Variants in EFHD1 observed in about 807,000 individuals in gnomAD.
The protein encoded by EFHD1 is EF-hand domain family member D1, also known as EF-hand domain-containing protein D1.
A neutral mutation model predicts 17.2 loss-of-function variants in EFHD1; 10 were observed. The observed-to-expected ratio is 0.58, with a 90% confidence interval of 0.36 to 0.99. EFHD1 has a LOEUF of 0.99. Among genes scored for constraint, EFHD1 ranks in the 50% least tolerant of loss-of-function variants. EFHD1 has a pLI of 0.01. For missense variants in EFHD1, 310 were observed against 327.5 expected (o/e 0.95, Z 0.41); for synonymous variants, 153 against 142.0 (o/e 1.08, Z -0.55).
At chr2:232,634,032 C>A in intron 1 of EFHD1, 26 bp downstream of exon 1, 3 of 1,595,294 alleles carry the variant, frequency 1.9e-6, no homozygotes, top group Non-Finnish European at 2.5e-6. Context: ...GCGCCCTTCG[C>A]CCCCGGGACC....
Position 232,626,921 on chromosome 2 carries a change from C to T in EFHD1, c.14+20748C>T, listed in dbSNP as rs532686029. Among the ~76,000 whole-genome samples, 252 of 151,834 alleles carry T rather than the reference C, an allele frequency of 1.7e-3. 1 individual carries two copies. The highest frequency in any genetic ancestry group is 5.9e-3 in the African/African-American group (246 of 41,446). The stretch of plus-strand genomic sequence containing the variant: ...GAATTTTGGGCCGAGCATGATGGCT[C>T]TTGCCTGTAATCCCAGCACTTTGGG... On this transcript the variant is annotated intron_variant, in intron 1 of 3. Transcript: ENST00000409613.
rs79552683 is a variant in EFHD1, at chr2:232,612,539, A to G, written c.14+6366A>G. 3.2e-3 allele frequency among the ~76,000 whole-genome samples: 484 copies of G among 152,260 alleles called. 3 individuals are homozygous for G. The highest frequency in any genetic ancestry group is 0.011 in the African/African-American group (474 of 41,562). ...TGAAAAACGGACCCCATCATCAGAC[A>G]TAAGGGAAATGCTCCTTGAAACCAC... On this transcript the variant is annotated intron_variant, in intron 1 of 3. Transcript: ENST00000409613.
intron 1 of EFHD1, among the ~76,000 whole-genome samples, chr2:232,608,260 C>T (rs538398642): frequency 7.4e-4 from 112 of 152,160 alleles, no homozygotes; most frequent in African/African-American, 2.4e-3. Context: ...ATCCCAGCTA[C>T]TTAGGAGGCT....
At chr2:232,662,152 T>G (rs1694880709) in intron 1 of EFHD1, among the ~76,000 whole-genome samples, 1 of 151,650 alleles carries the variant, frequency 6.6e-6, no homozygotes, top group Admixed American at 6.6e-5. Flanking sequence ...GTTTCCTGGC[T>G]GGGGGCTGGG....
intron 2 of EFHD1, among the ~76,000 whole-genome samples, chr2:232,670,721 T>C (rs867466419): frequency 6.6e-6 from 1 of 151,778 alleles, no homozygotes; most frequent in Middle Eastern, 3.4e-3. Flanking sequence ...TTATATAACC[T>C]TGGTGCTGAG....
intron 1 of EFHD1, among the ~76,000 whole-genome samples, chr2:232,658,100 A>G (rs1266227509): frequency 6.6e-6 from 1 of 151,440 alleles, no homozygotes; most frequent in African/African-American, 2.4e-5. Flanking sequence ...ACGGGGTTTC[A>G]CCATGTTGGT....
intron 1 of EFHD1, among the ~76,000 whole-genome samples, chr2:232,644,817 T>C (rs1376583998): frequency 6.8e-6 from 1 of 146,894 alleles, no homozygotes; most frequent in East Asian, 2.0e-4. Flanking sequence ...TTTTTTTTAA[T>C]TTTTAGTGGA....
rs1364499590 is a variant in EFHD1 at position 232,662,802 on chromosome 2, G to A, written c.303G>A (p.Leu101=). ...LIKDLESMFK[L]YDAGRDGFID... ...GTCATGCATTCCTTTGACCCTGCAG[G>A]TATGACGCTGGGCGGGATGGCTTCA... The change falls in exon 2 of 4, where the codon CTG becomes CTA. Residue 101 remains leucine, a splice_region_variant and synonymous_variant. Coordinates refer to ENST00000264059, the MANE Select transcript of EFHD1 (RefSeq NM_025202.4). The A allele has an allele frequency of 1.3e-6, 2 of 1,572,102 alleles. No individual in the cohort carries two copies. The highest frequency in any genetic ancestry group is 1.2e-5 in the South Asian group (1 of 84,566).
At chr2:232,669,814 T>C (rs986325879) in intron 2 of EFHD1, among the ~76,000 whole-genome samples, 1 of 152,104 alleles carries the variant, frequency 6.6e-6, no homozygotes, top group African/African-American at 2.4e-5. Context: ...TTGGTCAGGC[T>C]GGTCTCGAAC....
chr2:232,654,202 A>T (rs1268422144), intron 1 of EFHD1, among the ~76,000 whole-genome samples: 2 of 144,478 alleles, frequency 1.4e-5, no homozygotes, highest in South Asian at 4.3e-4. Context: ...GCGAGACTCC[A>T]TCTCAAAAAA....
intron 1 of EFHD1, chr2:232,606,479 A>G (rs904000334): frequency 1.9e-6 from 1 of 517,664 alleles, no homozygotes; most frequent in African/African-American, 1.9e-5. Flanking sequence ...TCAGTGAATG[A>G]GGAAGGTTTC....
At chr2:232,620,083 T>TG (rs2106185970) in intron 1 of EFHD1, among the ~76,000 whole-genome samples, 1 of 151,998 alleles carries the variant, frequency 6.6e-6, no homozygotes, top group East Asian at 1.9e-4. Context: ...TGTCATTTTT[T>TG]TTTTTTTTAA....
chr2:232,660,148 T>A (rs1694831666), intron 1 of EFHD1, among the ~76,000 whole-genome samples: 1 of 152,110 alleles, frequency 6.6e-6, no homozygotes, highest in African/African-American at 2.4e-5. Flanking sequence ...TTACTTATTT[T>A]AATTTTTAAA....
At chr2:232,607,891 C>G (rs187223561) in intron 1 of EFHD1, among the ~76,000 whole-genome samples, 1 of 150,476 alleles carries the variant, frequency 6.6e-6, no homozygotes, top group Non-Finnish European at 1.5e-5. Flanking sequence ...TCCAGGAGTT[C>G]TAGACCAGCC....
At chr2:232,678,001 G>T (rs1695208613) in intron 3 of EFHD1, among the ~76,000 whole-genome samples, 1 of 151,930 alleles carries the variant, frequency 6.6e-6, no homozygotes, top group African/African-American at 2.4e-5. Flanking sequence ...AAACTTCAGG[G>T]GCCAGGAGCA....
intron 1 of EFHD1, among the ~76,000 whole-genome samples, chr2:232,643,827 G>A (rs1574715234): frequency 6.6e-6 from 1 of 152,276 alleles, no homozygotes; most frequent in Middle Eastern, 3.4e-3. Flanking sequence ...GGGATTATAG[G>A]GCGTGCTACC....
At chr2:232,639,495 T>C (rs1298990046) in intron 1 of EFHD1, among the ~76,000 whole-genome samples, 5 of 152,102 alleles carry the variant, frequency 3.3e-5, no homozygotes, top group African/African-American at 1.2e-4. Context: ...CCAGACTCTC[T>C]CTCTCTCTCT....
intron 1 of EFHD1, among the ~76,000 whole-genome samples, chr2:232,656,269 A>G (rs1316227853): frequency 6.6e-6 from 1 of 152,036 alleles, no homozygotes; most frequent in Non-Finnish European, 1.5e-5. Flanking sequence ...ACTTGCCACT[A>G]TGATTTATTT....
chr2:232,660,008 A>C (rs1694827781), intron 1 of EFHD1, among the ~76,000 whole-genome samples: 1 of 152,086 alleles, frequency 6.6e-6, no homozygotes, highest in South Asian at 2.1e-4. Context: ...GTGCAGAACC[A>C]TTTGTGAGAA....
Sources: allele counts gnomAD v4.1 joint callset (sites outside exome capture counted in the v4.1 genomes callset), GRCh38; gene constraint gnomAD v4.1.1; transcripts MANE v1.5; gene names NCBI Gene and HGNC (gene_info 2026-07-23, HGNC 2026-07-21).